CD164: variants seen among roughly 807,000 people sequenced by gnomAD.
CD164 encodes sialomucin core protein 24.
CD164 carries 11 observed loss-of-function variants against 24.6 expected under a neutral mutation model. The ratio of observed to expected loss-of-function variants is 0.45; its 90% CI spans 0.28 to 0.74. The LOEUF (loss-of-function observed/expected upper bound fraction) is 0.74, where lower values mean the gene tolerates loss of function less well. CD164 is among the 30% of genes least tolerant of loss of function. The pLI is 0.13. For missense variants in CD164, 295 were observed against 243.7 expected (o/e 1.21, Z -1.40); for synonymous variants, 126 against 100.3 (o/e 1.26, Z -1.53).
In CD164 at chr6:109,369,406, A is replaced by G. The variant is rs544957916; in HGVS notation, c.428-389T>C. ...TCACATGACTTTTGAATTTACTAGT[A>G]TAAGGTAAAATATTTGGTTGCAATT... On this transcript the variant is annotated intron_variant, in intron 5 of 5. Transcript: ENST00000310786. Among the ~76,000 whole-genome samples, 47 of 152,332 alleles carry G rather than the reference A, an allele frequency of 3.1e-4. 1 individual carries two copies. The South Asian group carries it at 7.9e-3, about 25-fold the overall frequency.
chr6:109,377,633 C>T (rs1302800860), intron 3 of CD164, among the ~76,000 whole-genome samples: 2 of 137,310 alleles, frequency 1.5e-5, no homozygotes, highest in Non-Finnish European at 3.2e-5. Flanking sequence ...TGATGAATTC[C>T]TAGAAAAGTT....
Position 109,368,847 on chromosome 6 carries a change from C to T in CD164, c.*4G>A, listed in dbSNP as rs764310916. ...ACCAGTCCTTATTAATTCAATGGGT[C>T]TGTTTACAGAGTGTGGTAATTTCGT... On this transcript the variant is annotated 3_prime_UTR_variant, in exon 6 of 6. Coordinates refer to ENST00000310786, the MANE Select transcript of CD164 (RefSeq NM_006016.6). 3 of 1,608,052 alleles carry T rather than the reference C, an allele frequency of 1.9e-6. No homozygotes were observed. Among genetic ancestry groups the T allele is most frequent in the Non-Finnish European group, 2.5e-6 (3 of 1,178,258 alleles).
chr6:109,381,756 GGA>G (rs1771763980), intron 1 of CD164: 2 of 576,948 alleles, frequency 3.5e-6, no homozygotes, highest in African/African-American at 1.9e-5. Flanking sequence ...GGCTACCTCC[GGA>G]GAGAGGCGCC....
chr6:109,381,572 C>G (rs1429406173), intron 1 of CD164: 1 of 702,590 alleles, frequency 1.4e-6, no homozygotes, highest in Non-Finnish European at 2.6e-6. Context: ...TCTTCCTTTT[C>G]GCATACTTTG....
chr6:109,370,359 C>G, intron 5 of CD164, 52 bp downstream of exon 5: 2 of 1,393,870 alleles, frequency 1.4e-6, no homozygotes, highest in Non-Finnish European at 2.0e-6. Context: ...TTGTAAAGGG[C>G]AACATCGTGC....
At position 109,370,449 on chromosome 6, in the gene CD164, G is replaced by A; in HGVS notation, c.389C>T (p.Pro130Leu). ...ANSTAKPTVQ[P>L]SPSTTSKTVT... ...TGTCTTGGAAGTTGTAGAAGGGGAG[G>A]GCTGAACTGTGGGTTTAGCTGGAAT... Residue 130 changes from proline (P) to leucine (L), a missense_variant, in exon 5 of 6, where the codon CCC becomes CTC. Pro to Leu is a moderately conservative substitution (Grantham distance 98, BLOSUM62 -3). Transcript: ENST00000310786. 1 of 1,612,800 alleles carries A rather than the reference G, an allele frequency of 6.2e-7. No individual in the cohort carries two copies. Among genetic ancestry groups the A allele is most frequent in the Non-Finnish European group, 8.5e-7 (1 of 1,179,360 alleles).
At chr6:109,375,003 A>G (rs3778475) in intron 4 of CD164, among the ~76,000 whole-genome samples, 46,710 of 152,112 alleles carry the variant, frequency 0.31, 7,370 homozygotes, top group Middle Eastern at 0.42. Context: ...GAATAGACGC[A>G]TTTAATATTG....
intron 4 of CD164, chr6:109,371,255 C>CTTTTT (rs931343298): frequency 2.7e-5 from 4 of 146,542 alleles, no homozygotes; most frequent in African/African-American, 1.0e-4. Context: ...CTAAAGCACT[C>CTTTTT]TTTTTTTTTT....
chr6:109,366,905 A>C lies in CD164; in HGVS notation c.*1946T>G, dbSNP rs1020206818. The C allele has an allele frequency of 6.6e-6, 1 of 152,252 alleles. No individual in the cohort carries two copies. Among genetic ancestry groups the C allele is most frequent in the South Asian group, 2.1e-4 (1 of 4,830 alleles). 9.4% of individuals were successfully genotyped at this position (152,252 alleles called of 1,614,324 possible). On this transcript the variant is annotated 3_prime_UTR_variant, in exon 6 of 6. Coordinates refer to ENST00000310786, the MANE Select transcript of CD164 (RefSeq NM_006016.6). ...GTGCTCAAAATTACAGAAGCTTCAA[A>C]TTGTTATGTTTTCACAAAATTTGCT...
intron 4 of CD164, chr6:109,375,788 T>G (rs1771368712): frequency 3.1e-6 from 1 of 319,224 alleles, no homozygotes; most frequent in Non-Finnish European, 5.6e-6. Flanking sequence ...GCTTTAGGCT[T>G]CTATATTTCC....
chr6:109,366,831 T>C lies in CD164; in HGVS notation c.*2020A>G, dbSNP rs1014467152. 1.3e-5 allele frequency: 2 copies of C among 152,570 alleles called. No individual in the cohort carries two copies. Among genetic ancestry groups the C allele is most frequent in the Admixed American group, 1.3e-4 (2 of 15,284 alleles). The allele number at this position is 152,570 out of a possible 1,614,324, so 9.5% of individuals were successfully genotyped here. A position where few individuals can be genotyped will look rare whatever the true frequency, so the allele number is the denominator to read the frequency against. ...GAGTTCTGTTGCAAGAGCTCATTTG[T>C]AGACTTGCAAAATCTAACTAATTTT... On this transcript the variant is annotated 3_prime_UTR_variant, in exon 6 of 6. Transcript: ENST00000310786.
intron 3 of CD164, among the ~76,000 whole-genome samples, chr6:109,376,507 T>C (rs866834470): frequency 2.2e-4 from 33 of 152,248 alleles, no homozygotes; most frequent in Middle Eastern, 3.4e-3. Flanking sequence ...TCAAAGCCAT[T>C]TTTGAGAGGT....
intron 1 of CD164, chr6:109,381,974 C>A: frequency 2.6e-6 from 1 of 381,126 alleles, no homozygotes; most frequent in African/African-American, 2.1e-5. Context: ...GGGCCCCAGC[C>A]CCGCAGCCAC....
chr6:109,381,297 AC>A (rs1771725055), intron 1 of CD164, among the ~76,000 whole-genome samples: 1 of 152,180 alleles, frequency 6.6e-6, no homozygotes, highest in South Asian at 2.1e-4. Context: ...ACTGCACATA[AC>A]AAAAGACACG....
chr6:109,369,086 C>A (rs1016706316), intron 5 of CD164, 69 bp from the exon 6 acceptor site: 20 of 1,345,188 alleles, frequency 1.5e-5, no homozygotes, highest in Admixed American at 1.2e-4. Flanking sequence ...TAAAGATGCA[C>A]CTGAGCCTCT....
At chr6:109,379,881 G>A (rs1403045020) in intron 1 of CD164, 3 of 455,514 alleles carry the variant, frequency 6.6e-6, no homozygotes, top group Non-Finnish European at 1.2e-5. Flanking sequence ...GTCACTCTCA[G>A]TACAGTGCCT....
intron 4 of CD164, among the ~76,000 whole-genome samples, chr6:109,374,064 C>T (rs551774693): frequency 1.3e-5 from 2 of 152,308 alleles, no homozygotes; most frequent in East Asian, 3.9e-4. Flanking sequence ...CTTGCACATA[C>T]TTCTCTGGGC....
In CD164 at chr6:109,368,056, AAAT is replaced by A. The variant is rs929855319; in HGVS notation, c.*792_*794del. 2.8e-6 allele frequency: 1 copy of A among 353,712 alleles called. No individual in the cohort carries two copies. The highest frequency in any genetic ancestry group is 2.1e-5 in the African/African-American group (1 of 47,404). 21.9% of individuals were successfully genotyped at this position (353,712 alleles called of 1,614,324 possible). On this transcript the variant is annotated 3_prime_UTR_variant, in exon 6 of 6. Coordinates refer to ENST00000310786, the MANE Select transcript of CD164 (RefSeq NM_006016.6). ...TCCGCTCTGAAATAAATTTTCAATA[AAAT>A]ATTAACAGTATGATATCTAAAACAG...
In CD164 at chr6:109,370,487, T is replaced by A; in HGVS notation, c.371-20A>T. On this transcript the variant is annotated intron_variant, in intron 4 of 5. Coordinates refer to ENST00000310786, the MANE Select transcript of CD164 (RefSeq NM_006016.6). Reference sequence around the variant, plus strand: ...GTTTAGCTGGAATGAAAACAAAATGTCTTTTTAAAAAACCTTAAATTTCTA... The same window carrying A: ...GTTTAGCTGGAATGAAAACAAAATGACTTTTTAAAAAACCTTAAATTTCTA... 1 of 1,604,840 alleles carries A rather than the reference T, an allele frequency of 6.2e-7. No homozygotes were observed. Among genetic ancestry groups the A allele is most frequent in the South Asian group, 1.1e-5 (1 of 89,490 alleles).
Sources: gnomAD v4.1 joint callset for allele counts (sites outside exome capture counted in the v4.1 genomes callset) on GRCh38, gnomAD v4.1.1 for gene constraint, MANE v1.5 for transcripts, NCBI Gene and HGNC (gene_info 2026-07-23, HGNC 2026-07-21) for gene names.